Variants in HIPK2 observed in about 807,000 individuals in gnomAD.
HIPK2 encodes homeodomain interacting protein kinase 2, also known as homeodomain-interacting protein kinase 2.
Under a neutral mutation model 113.7 loss-of-function variants are expected in HIPK2, and 27 were observed. The ratio of observed to expected loss-of-function variants is 0.24; its 90% CI spans 0.17 to 0.33. The LOEUF is 0.33. Ranked by LOEUF, HIPK2 falls within the 10% of genes least tolerant of loss-of-function variation. The pLI, the probability that HIPK2 is intolerant of heterozygous loss-of-function variation, is 1.00. For missense variants in HIPK2, 1,257 were observed against 1,588.0 expected (o/e 0.79, Z 3.54); for synonymous variants, 631 against 642.2 (o/e 0.98, Z 0.26).
chr7:139,650,474 T>C (rs1226959720), intron 2 of HIPK2, among the ~76,000 whole-genome samples: 1 of 152,078 alleles, frequency 6.6e-6, no homozygotes, highest in African/African-American at 2.4e-5. Flanking sequence ...GGGTTTTTTT[T>C]TTTTTTAAAC....
Position 139,568,208 on chromosome 7 carries a change from G to A in HIPK2, c.*4719C>T, listed in dbSNP as rs115766907. ...CTGGGCGGGCTGAGTCTTCTAGGTTGAAGAGGACAAAGGTCAGCTGGCTCC... is the reference window on the plus strand; with the variant it reads ...CTGGGCGGGCTGAGTCTTCTAGGTTAAAGAGGACAAAGGTCAGCTGGCTCC... On this transcript the variant is annotated 3_prime_UTR_variant, in exon 15 of 15. Transcript: ENST00000406875. 0.011 allele frequency: 1,679 copies of A among 152,384 alleles called. 29 individuals are homozygous for A. The highest frequency in any genetic ancestry group is 0.037 in the African/African-American group (1,551 of 41,566). 9.4% of individuals were successfully genotyped at this position (152,384 alleles called of 1,614,324 possible). A position where few individuals can be genotyped will look rare whatever the true frequency, so the allele number is the denominator to read the frequency against.
Position 139,613,110 on chromosome 7 carries a change from T to G in HIPK2, c.2112+92A>C, listed in dbSNP as rs1799894950. Reference sequence around the variant, plus strand: ...TGACTAGAAGCACCTAACTCATTACTAGGGAGAGAGGGAGTGGAGATATAT... The same window carrying G: ...TGACTAGAAGCACCTAACTCATTACGAGGGAGAGAGGGAGTGGAGATATAT... On this transcript the variant is annotated intron_variant, in intron 9 of 14. Coordinates refer to ENST00000406875, the MANE Select transcript of HIPK2 (RefSeq NM_022740.5). The surrounding 1 kb of genome is among the most constrained non-coding windows in gnomAD (Gnocchi z 4.2). 2 of 1,476,178 alleles carry G rather than the reference T, an allele frequency of 1.4e-6. No homozygotes were observed. Among genetic ancestry groups the G allele is most frequent in the Non-Finnish European group, 1.8e-6 (2 of 1,082,936 alleles). 91.4% of individuals were successfully genotyped at this position (1,476,178 alleles called of 1,614,324 possible).
intron 10 of HIPK2, among the ~76,000 whole-genome samples, chr7:139,601,619 T>C (rs1489871705): frequency 6.6e-6 from 1 of 152,216 alleles, no homozygotes; most frequent in Admixed American, 6.5e-5. Flanking sequence ...ACAGTCATGA[T>C]AGAAATACTG....
At chr7:139,737,545 A>G (rs1795972477) in intron 1 of HIPK2, among the ~76,000 whole-genome samples, 1 of 152,178 alleles carries the variant, frequency 6.6e-6, no homozygotes, top group Non-Finnish European at 1.5e-5. Flanking sequence ...CCATGGCTGA[A>G]AATCGCTAGA....
At chr7:139,713,192 G>A (rs1440597434) in intron 2 of HIPK2, among the ~76,000 whole-genome samples, 1 of 152,120 alleles carries the variant, frequency 6.6e-6, no homozygotes, top group African/African-American at 2.4e-5. Context: ...TGAGGGCCCA[G>A]GAACCGCCAG....
rs529154037 is a variant in HIPK2, at chr7:139,723,178, G to A, written c.20-6163C>T. 3.4e-3 allele frequency among the ~76,000 whole-genome samples: 498 copies of A among 147,864 alleles called. 2 individuals are homozygous for A. Among genetic ancestry groups the A allele is most frequent in the Middle Eastern group, 6.9e-3 (2 of 290 alleles). ...TTGAAGTCTTAACTCACACAGTTAC[G>A]GTTTTTTTCTTTCTTCTTTTTTTTT... On this transcript the variant is annotated intron_variant, in intron 1 of 14. Coordinates refer to ENST00000406875, the MANE Select transcript of HIPK2 (RefSeq NM_022740.5).
intron 4 of HIPK2, among the ~76,000 whole-genome samples, chr7:139,629,892 G>T (rs1800552874): frequency 6.9e-6 from 1 of 145,322 alleles, no homozygotes; most frequent in South Asian, 2.1e-4. Context: ...ACCTGACCTT[G>T]ACACTCACCC....
rs540600445 is a variant in HIPK2 at position 139,564,097 on chromosome 7, G to A, written c.*8830C>T. 7.5e-6 allele frequency: 3 copies of A among 397,588 alleles called. No homozygotes were observed. Among genetic ancestry groups the A allele is most frequent in the Admixed American group, 4.4e-5 (1 of 22,718 alleles). The allele number at this position is 397,588 out of a possible 1,614,324, so 24.6% of individuals were successfully genotyped here. ...CTCCTGCTCAGCCCTGACCATCTCT[G>A]AGAGGATGCTAAGGTCCCCCTCCCA... On this transcript the variant is annotated 3_prime_UTR_variant, in exon 15 of 15. Coordinates refer to ENST00000406875, the MANE Select transcript of HIPK2 (RefSeq NM_022740.5).
At chr7:139,610,597 C>A (rs921215940) in intron 9 of HIPK2, among the ~76,000 whole-genome samples, 3 of 152,188 alleles carry the variant, frequency 2.0e-5, no homozygotes, top group African/African-American at 4.8e-5. Flanking sequence ...TGCTACCAGT[C>A]ACTGGTGTTA....
chr7:139,603,006 C>T (rs1799490192), intron 10 of HIPK2, among the ~76,000 whole-genome samples: 1 of 151,984 alleles, frequency 6.6e-6, no homozygotes, highest in African/African-American at 2.4e-5. Flanking sequence ...GGCATGAGGG[C>T]GTTGCCAGAA....
At chr7:139,772,207 A>G (rs1269910779) in intron 1 of HIPK2, among the ~76,000 whole-genome samples, 4 of 152,140 alleles carry the variant, frequency 2.6e-5, no homozygotes, top group Non-Finnish European at 2.9e-5. Context: ...TCGGAGTGAC[A>G]GCCCGATCTA....
chr7:139,691,767 AC>A (rs1224282049), intron 2 of HIPK2, among the ~76,000 whole-genome samples: 4 of 152,238 alleles, frequency 2.6e-5, no homozygotes, highest in Admixed American at 2.6e-4. Context: ...CTCAGTTTCC[AC>A]CTGTGCAAGT....
At chr7:139,689,097 T>C (rs1212277966) in intron 2 of HIPK2, among the ~76,000 whole-genome samples, 2 of 152,208 alleles carry the variant, frequency 1.3e-5, no homozygotes, top group East Asian at 3.9e-4. Flanking sequence ...AAGTTGAATC[T>C]TCGTGCAGCC....
rs368082035 is a variant in HIPK2, at chr7:139,586,881, CA to C, written c.2718-2818del. On this transcript the variant is annotated intron_variant, in intron 12 of 14. Coordinates refer to ENST00000406875, the MANE Select transcript of HIPK2 (RefSeq NM_022740.5). ...GTCTACATATATGAAATATCTAGAA[CA>C]GGCAAATTCATACAGACAGAAAATA... Among the ~76,000 whole-genome samples the C allele has an allele frequency of 7.0e-4, 107 of 152,000 alleles. 3 individuals are homozygous for C. In the South Asian group the frequency reaches 0.021, roughly 30 times the overall value.
intron 2 of HIPK2, among the ~76,000 whole-genome samples, chr7:139,712,204 C>A (rs1186149793): frequency 6.6e-6 from 1 of 152,254 alleles, no homozygotes; most frequent in Non-Finnish European, 1.5e-5. Flanking sequence ...TCCTGAAAAA[C>A]ACACCAGTGG....
At chr7:139,749,638 G>A (rs965580765) in intron 1 of HIPK2, among the ~76,000 whole-genome samples, 3 of 152,174 alleles carry the variant, frequency 2.0e-5, no homozygotes, top group Admixed American at 1.3e-4. Flanking sequence ...GTAAGACGCC[G>A]CTATTATCCT....
chr7:139,676,641 C>T (rs1400695776), intron 2 of HIPK2, among the ~76,000 whole-genome samples: 1 of 152,294 alleles, frequency 6.6e-6, no homozygotes, highest in African/African-American at 2.4e-5. Context: ...ATGAGTCCCC[C>T]TTCTTCCAAC....
rs1372336620 is a variant in HIPK2 at position 139,566,991 on chromosome 7, C to A, written c.*5936G>T. 3 of 152,146 alleles carry A rather than the reference C, an allele frequency of 2.0e-5. No individual in the cohort carries two copies. The highest frequency in any genetic ancestry group is 4.4e-5 in the Non-Finnish European group (3 of 68,038). The allele number at this position is 152,146 out of a possible 1,614,324, so 9.4% of individuals were successfully genotyped here. A position where few individuals can be genotyped will look rare whatever the true frequency, so the allele number is the denominator to read the frequency against. On this transcript the variant is annotated 3_prime_UTR_variant, in exon 15 of 15. Coordinates refer to ENST00000406875, the MANE Select transcript of HIPK2 (RefSeq NM_022740.5). This position sits in a 1 kb window ranked among gnomAD's most constrained non-coding sequence, Gnocchi z 4.1. Reference sequence around the variant, plus strand: ...GAACGGCCTGGAGTTCTTTTTTGAACTTTTCAGAAGCTGCAACAAGAGAAA... The same window carrying A: ...GAACGGCCTGGAGTTCTTTTTTGAAATTTTCAGAAGCTGCAACAAGAGAAA...
intron 2 of HIPK2, among the ~76,000 whole-genome samples, chr7:139,643,590 A>C (rs1202793467): frequency 6.6e-6 from 1 of 152,212 alleles, no homozygotes; most frequent in African/African-American, 2.4e-5. Context: ...AGATGTCCAG[A>C]GCATACTGGC....
Sources: gnomAD v4.1 joint callset for allele counts (sites outside exome capture counted in the v4.1 genomes callset) on GRCh38, gnomAD v4.1.1 for gene constraint, Gnocchi (gnomAD v3.1) non-coding constraint, MANE v1.5 for transcripts, NCBI Gene and HGNC (gene_info 2026-07-23, HGNC 2026-07-21) for gene names.